The following BACH2 variants were observed in gnomAD, a reference collection of about 807,000 sequenced individuals.
The protein encoded by BACH2 is transcription regulator protein BACH2.
Under a neutral mutation model 61.8 loss-of-function variants are expected in BACH2, and 5 were observed. The observed-to-expected ratio is 0.08, with a 90% confidence interval of 0.04 to 0.17. BACH2 has a LOEUF of 0.17. Among genes scored for constraint, BACH2 ranks in the 10% least tolerant of loss-of-function variants. The pLI is 1.00. For synonymous variants in BACH2, 446 were observed against 440.1 expected (o/e 1.01, Z -0.17); for missense variants, 824 against 1,091.1 (o/e 0.76, Z 3.45).
At chr6:90,160,376 C>A (rs964709050) in intron 4 of BACH2, among the ~76,000 whole-genome samples, 1 of 152,152 alleles carries the variant, frequency 6.6e-6, no homozygotes, top group Admixed American at 6.5e-5. Flanking sequence ...TGAGCTGGAT[C>A]CTGTGATGCA....
At chr6:90,027,322 T>G (rs1369551831) in intron 5 of BACH2, among the ~76,000 whole-genome samples, 1 of 152,188 alleles carries the variant, frequency 6.6e-6, no homozygotes, top group Non-Finnish European at 1.5e-5. Flanking sequence ...GAATGACGAT[T>G]ATTGTGACCA....
At position 90,034,016 on chromosome 6, in the gene BACH2, T is replaced by A. The variant is rs561362295; in HGVS notation, c.-12-25160A>T. On this transcript the variant is annotated intron_variant, in intron 5 of 8. Coordinates refer to ENST00000257749, the MANE Select transcript of BACH2 (RefSeq NM_021813.4). ...ATAACCATTTAGTATTTTAGACAAC[T>A]GGAAAAGAAGATTAGACCACACTGT... 3.3e-5 allele frequency among the ~76,000 whole-genome samples: 5 copies of A among 152,278 alleles called. No homozygotes were observed. The East Asian group carries it at 9.6e-4, about 29-fold the overall frequency.
At chr6:89,932,951 TC>T (rs1772765603) in intron 8 of BACH2, 61 bp from the exon 9 acceptor site, 1 of 1,496,738 alleles carries the variant, frequency 6.7e-7, no homozygotes, top group Non-Finnish European at 8.9e-7. Flanking sequence ...ACAGAAGGCC[TC>T]GTTTCAGGTT....
intron 4 of BACH2, among the ~76,000 whole-genome samples, chr6:90,172,484 C>G (rs1419043534): frequency 1.3e-5 from 2 of 151,270 alleles, no homozygotes; most frequent in African/African-American, 4.9e-5. Context: ...ATTCAGAAAG[C>G]CAAATGCATC....
intron 1 of BACH2, among the ~76,000 whole-genome samples, chr6:90,295,784 G>A (rs1772339171): frequency 6.6e-6 from 1 of 152,068 alleles, no homozygotes; most frequent in South Asian, 2.1e-4. Context: ...GACGCTTTCC[G>A]ACAACCCGAT....
intron 4 of BACH2, among the ~76,000 whole-genome samples, chr6:90,196,614 A>T (rs1463081648): frequency 6.6e-6 from 1 of 152,230 alleles, no homozygotes; most frequent in Non-Finnish European, 1.5e-5. Flanking sequence ...CAAGAAACAC[A>T]GACATTGTTA....
intron 5 of BACH2, among the ~76,000 whole-genome samples, chr6:90,032,256 A>G (rs1201261443): frequency 5.3e-5 from 8 of 149,864 alleles, no homozygotes; most frequent in East Asian, 4.0e-4. Flanking sequence ...AAAAACCCTA[A>G]AAGAAAACCT....
At chr6:90,052,805 G>T (rs1780116447) in intron 5 of BACH2, among the ~76,000 whole-genome samples, 1 of 152,120 alleles carries the variant, frequency 6.6e-6, no homozygotes, top group African/African-American at 2.4e-5. Flanking sequence ...TGTTAAATGT[G>T]TATTTCTCTA....
intron 4 of BACH2, among the ~76,000 whole-genome samples, chr6:90,192,587 A>C (rs543046754): frequency 4.6e-5 from 7 of 152,298 alleles, no homozygotes; most frequent in African/African-American, 1.7e-4. Flanking sequence ...CCCTCTTGGA[A>C]ATATATCATT....
At chr6:90,295,053 G>C (rs751688082) in intron 1 of BACH2, among the ~76,000 whole-genome samples, 1 of 152,214 alleles carries the variant, frequency 6.6e-6, no homozygotes, top group Non-Finnish European at 1.5e-5. Context: ...TGCAGCACTA[G>C]ACAGCGAAGG....
intron 6 of BACH2, among the ~76,000 whole-genome samples, chr6:89,961,236 G>A (rs1424813095): frequency 6.6e-6 from 1 of 152,092 alleles, no homozygotes; most frequent in East Asian, 1.9e-4. Flanking sequence ...GAAGTTCACA[G>A]AATAATTTTT....
At chr6:89,974,208 C>T (rs1775523922) in intron 6 of BACH2, among the ~76,000 whole-genome samples, 1 of 152,100 alleles carries the variant, frequency 6.6e-6, no homozygotes, top group South Asian at 2.1e-4. Flanking sequence ...GGCTGCCTGG[C>T]CTTAAGTCCT....
intron 7 of BACH2, among the ~76,000 whole-genome samples, chr6:89,943,103 C>T (rs1044386371): frequency 4.6e-5 from 7 of 152,158 alleles, no homozygotes; most frequent in Admixed American, 6.5e-5. Context: ...TGAGCCACCA[C>T]GCCTGGCTAG....
intron 4 of BACH2, among the ~76,000 whole-genome samples, chr6:90,205,345 A>G (rs1233943317): frequency 6.6e-6 from 1 of 152,244 alleles, no homozygotes; most frequent in East Asian, 1.9e-4. Flanking sequence ...TAAATCCTTC[A>G]GTGGCTCATA....
intron 4 of BACH2, among the ~76,000 whole-genome samples, chr6:90,141,389 C>T (rs544985801): frequency 4.1e-4 from 63 of 152,070 alleles, no homozygotes; most frequent in Non-Finnish European, 5.9e-4. Flanking sequence ...CCATGTTGAC[C>T]GGGCTAGTCA....
intron 6 of BACH2, among the ~76,000 whole-genome samples, chr6:89,982,367 A>G (rs1291738688): frequency 6.6e-6 from 1 of 152,106 alleles, no homozygotes; most frequent in East Asian, 1.9e-4. Context: ...AAGGGCAGAG[A>G]TGGGATGGAA....
chr6:90,233,632 G>A (rs957022717), intron 3 of BACH2, among the ~76,000 whole-genome samples: 11 of 152,056 alleles, frequency 7.2e-5, no homozygotes, highest in Non-Finnish European at 1.6e-4. Context: ...ATGCTCATAG[G>A]GTCCTCGACA....
chr6:90,273,075 T>C (rs189667583), intron 1 of BACH2, among the ~76,000 whole-genome samples: 19 of 152,222 alleles, frequency 1.2e-4, no homozygotes, highest in Admixed American at 7.2e-4. Flanking sequence ...CATCCCTCAA[T>C]GAAGGCCAGG....
chr6:90,046,803 G>T (rs571393733), intron 5 of BACH2, among the ~76,000 whole-genome samples: 1 of 135,382 alleles, frequency 7.4e-6, no homozygotes, highest in East Asian at 3.4e-4. Context: ...AGAATTTGGT[G>T]ACTTTTTTTT....
Sources: gnomAD v4.1 joint callset for allele counts (sites outside exome capture counted in the v4.1 genomes callset) on GRCh38, gnomAD v4.1.1 for gene constraint, MANE v1.5 for transcripts, NCBI Gene and HGNC (gene_info 2026-07-23, HGNC 2026-07-21) for gene names.